KIAA0586: variants seen among roughly 807,000 people sequenced by gnomAD.
The protein encoded by KIAA0586 is KIAA0586.
In KIAA0586, 144 loss-of-function variants were observed where a neutral mutation model predicts 169.8. That is an observed-to-expected ratio of 0.85 (90% confidence interval 0.74 to 0.97). KIAA0586 has a LOEUF of 0.97. Among genes scored for constraint, KIAA0586 ranks in the 50% least tolerant of loss-of-function variants. The pLI is 0.00. For synonymous variants in KIAA0586, 625 were observed against 612.4 expected (o/e 1.02, Z -0.30); for missense variants, 1,854 against 1,823.0 (o/e 1.02, Z -0.31).
Position 58,427,778 on chromosome 14 carries a change from G to C in KIAA0586, c.-487G>C. 5 of 1,523,276 alleles carry C rather than the reference G, an allele frequency of 3.3e-6. No individual in the cohort carries two copies. The highest frequency in any genetic ancestry group is 4.4e-6 in the Non-Finnish European group (5 of 1,141,026). The allele number at this position is 1,523,276 out of a possible 1,614,324, so 94.4% of individuals were successfully genotyped here. A position where few individuals can be genotyped will look rare whatever the true frequency, so the allele number is the denominator to read the frequency against. On this transcript the variant is annotated 5_prime_UTR_variant, in exon 1 of 31. Coordinates refer to ENST00000652326, the MANE Select transcript of KIAA0586 (RefSeq NM_001329943.3). ...CTCGGGCGTTCTGGAGATACGTAGG[G>C]GTGAATTTATGTTTCCGACGATTGC...
intron 26 of KIAA0586, among the ~76,000 whole-genome samples, chr14:58,498,204 T>A (rs2043297903): frequency 6.6e-6 from 1 of 151,196 alleles, no homozygotes; most frequent in South Asian, 2.1e-4. Flanking sequence ...TGACACAGGG[T>A]CTCACTGTAT....
In KIAA0586 at chr14:58,453,437, G is replaced by T. The variant is rs1308431537; in HGVS notation, c.1217G>T (p.Arg406Met). 2 of 1,519,048 alleles carry T rather than the reference G, an allele frequency of 1.3e-6. No homozygotes were observed. The highest frequency in any genetic ancestry group is 1.8e-6 in the Non-Finnish European group (2 of 1,133,348). The allele number at this position is 1,519,048 out of a possible 1,614,324, so 94.1% of individuals were successfully genotyped here. Reference sequence around the variant, plus strand: ...TCATCAAACACCACCTCACTAACTAGGTCAAAAATAGGATGGACTCCTGAG... The same window carrying T: ...TCATCAAACACCACCTCACTAACTATGTCAAAAATAGGATGGACTCCTGAG... ...SESSNTTSLT[R>M]SKIGWTPEKT... The change falls in exon 9 of 31, where the codon AGG becomes ATG. Residue 406 changes from arginine to methionine, a missense_variant. By Grantham distance (91) the Arg-to-Met change is moderately conservative (BLOSUM62 -1). Transcript: ENST00000652326.
chr14:58,552,683 A>G (rs912350414), downstream of KIAA0586, among the ~76,000 whole-genome samples: 2 of 152,196 alleles, frequency 1.3e-5, no homozygotes, highest in East Asian at 3.8e-4. Flanking sequence ...GACCCAAATG[A>G]TGAGACTGAA....
intron 20 of KIAA0586, among the ~76,000 whole-genome samples, chr14:58,481,600 C>A (rs534040730): frequency 1.3e-5 from 2 of 151,954 alleles, no homozygotes; most frequent in African/African-American, 4.8e-5. Context: ...TTTAATGTGC[C>A]CATTTTTATC....
chr14:58,427,501 A>T, upstream of KIAA0586: 1 of 1,255,752 alleles, frequency 8.0e-7, no homozygotes, highest in Non-Finnish European at 1.1e-6. Context: ...ATGAGACTGT[A>T]GAGCGGTCTT....
intron 29 of KIAA0586, among the ~76,000 whole-genome samples, chr14:58,513,126 C>G (rs1222673853): frequency 6.6e-6 from 1 of 151,976 alleles, no homozygotes. Flanking sequence ...ATTCCACAGT[C>G]AGCGTTCAAG....
chr14:58,467,955 G>T, intron 16 of KIAA0586, 33 bp downstream of exon 16: 1 of 1,494,738 alleles, frequency 6.7e-7, no homozygotes, highest in Admixed American at 2.3e-5. Flanking sequence ...AAAATTTTAA[G>T]GAAGAAAAAA....
rs1034798098 is a variant in KIAA0586, at chr14:58,548,101, A to G, written c.*169A>G. ...TAATTTGGGTATTTAAAGTTTTTAAATAAAATAAGTATAAGTCATTATAAG... is the reference window on the plus strand; with the variant it reads ...TAATTTGGGTATTTAAAGTTTTTAAGTAAAATAAGTATAAGTCATTATAAG... On this transcript the variant is annotated 3_prime_UTR_variant, in exon 31 of 31. Coordinates refer to ENST00000652326, the MANE Select transcript of KIAA0586 (RefSeq NM_001329943.3). 9.3e-6 allele frequency: 7 copies of G among 751,266 alleles called. No individual in the cohort carries two copies. Among genetic ancestry groups the G allele is most frequent in the African/African-American group, 8.9e-5 (5 of 56,474 alleles). 46.5% of individuals were successfully genotyped at this position (751,266 alleles called of 1,614,324 possible).
At chr14:58,492,083 G>A (rs907291374) in intron 25 of KIAA0586, 61 bp from the exon 26 acceptor site, 1 of 1,315,560 alleles carries the variant, frequency 7.6e-7, no homozygotes. Flanking sequence ...ATCTTAAATT[G>A]AGAAAAATGC....
At chr14:58,438,524 G>C (rs1182755980) in intron 4 of KIAA0586, among the ~76,000 whole-genome samples, 1 of 152,092 alleles carries the variant, frequency 6.6e-6, no homozygotes, top group Non-Finnish European at 1.5e-5. Context: ...CCAACCCCAG[G>C]TTGCTTACAG....
At chr14:58,486,503 A>T (rs1257567423) in intron 21 of KIAA0586, among the ~76,000 whole-genome samples, 1 of 152,186 alleles carries the variant, frequency 6.6e-6, no homozygotes, top group Non-Finnish European at 1.5e-5. Flanking sequence ...GTCAACAAAC[A>T]TGAAAAAATG....
intron 11 of KIAA0586, 125 bp downstream of exon 11, chr14:58,458,104 T>A: frequency 1.5e-6 from 1 of 651,684 alleles, no homozygotes; most frequent in Non-Finnish European, 2.6e-6. Flanking sequence ...TTATTGACTT[T>A]GAAGATGTGG....
At chr14:58,551,620 G>C (rs1445438091), downstream of KIAA0586, among the ~76,000 whole-genome samples, 1 of 152,102 alleles carries the variant, frequency 6.6e-6, no homozygotes, top group Non-Finnish European at 1.5e-5. Context: ...AAATTAGCCA[G>C]ATGTGGTGGC....
downstream of KIAA0586, among the ~76,000 whole-genome samples, chr14:58,552,320 A>G (rs1204207451): frequency 6.6e-6 from 1 of 152,184 alleles, no homozygotes. Flanking sequence ...AATCTTTGAG[A>G]ATCATCAGCC....
chr14:58,492,148 A>C lies in KIAA0586; in HGVS notation c.3863A>C (p.Asp1288Ala), dbSNP rs755368980. ...TTGTCTTTATGTTTCTTTTAGGAGG[A>C]TGATCCTCCTAGTGAAGGGCAAGTG... The part of the protein sequence containing the change: ...STLHDAVEME[D>A]DPPSEGQVIR... Residue 1288 changes from aspartate (D) to alanine (A), a missense_variant, in exon 26 of 31, where the codon GAT becomes GCT. Physicochemically the swap from Asp to Ala is moderately radical, Grantham distance 126. Coordinates refer to ENST00000652326, the MANE Select transcript of KIAA0586 (RefSeq NM_001329943.3). 6.6e-6 allele frequency: 10 copies of C among 1,522,394 alleles called. No individual in the cohort carries two copies. Among genetic ancestry groups the C allele is most frequent in the Middle Eastern group, 1.7e-4 (1 of 5,852 alleles). The allele number at this position is 1,522,394 out of a possible 1,614,324, so 94.3% of individuals were successfully genotyped here.
At chr14:58,457,697 G>C (rs2039986812) in intron 10 of KIAA0586, 62 bp from the exon 11 acceptor site, 2 of 1,074,766 alleles carry the variant, frequency 1.9e-6, no homozygotes, top group Non-Finnish European at 2.7e-6. Flanking sequence ...AGTGATAGCT[G>C]TTATTTTGAT....
chr14:58,558,418 C>T, the KIAA0586 span, among the ~76,000 whole-genome samples: 15 of 152,190 alleles, frequency 9.9e-5, no homozygotes, highest in East Asian at 2.3e-3. Context: ...CCCTTTTCTG[C>T]CAATTTCATT....
intron 4 of KIAA0586, among the ~76,000 whole-genome samples, chr14:58,435,402 G>T (rs2037743512): frequency 6.6e-6 from 1 of 152,144 alleles, no homozygotes; most frequent in Non-Finnish European, 1.5e-5. Flanking sequence ...TACTTATAAT[G>T]TGTAGTGATC....
chr14:58,527,309 A>C (rs994565967), intron 29 of KIAA0586, among the ~76,000 whole-genome samples: 1 of 152,208 alleles, frequency 6.6e-6, no homozygotes, highest in South Asian at 2.1e-4. Context: ...GAACTTCCCC[A>C]ACCTAGCAAG....
Sources: gnomAD v4.1 joint callset for allele counts (sites outside exome capture counted in the v4.1 genomes callset) on GRCh38, gnomAD v4.1.1 for gene constraint, MANE v1.5 for transcripts, NCBI Gene and HGNC (gene_info 2026-07-23, HGNC 2026-07-21) for gene names.